CDC73: variants seen among roughly 807,000 people sequenced by gnomAD.
CDC73 encodes the protein parafibromin.
In CDC73, 21 loss-of-function variants were observed where a neutral mutation model predicts 83.7. That is an observed-to-expected ratio of 0.25 (90% CI 0.18 to 0.36). The LOEUF (loss-of-function observed/expected upper bound fraction) is 0.36, where lower values mean the gene tolerates loss of function less well. Among genes scored for constraint, CDC73 ranks in the 10% least tolerant of loss-of-function variants. The probability of loss-of-function intolerance (pLI) is 1.00; values close to 1 mark genes in which losing one functional copy is unlikely to be tolerated. For missense variants in CDC73, 342 were observed against 653.3 expected (o/e 0.52, Z 5.19); for synonymous variants, 224 against 212.9 (o/e 1.05, Z -0.45).
At chr1:193,187,269 T>C (rs1172477792) in intron 10 of CDC73, among the ~76,000 whole-genome samples, 1 of 152,160 alleles carries the variant, frequency 6.6e-6, no homozygotes, top group Non-Finnish European at 1.5e-5. Context: ...ATTTATTTTT[T>C]ATTTATTTTT....
At chr1:193,143,392 ATAG>A (rs1213594332) in intron 7 of CDC73, among the ~76,000 whole-genome samples, 1 of 152,208 alleles carries the variant, frequency 6.6e-6, no homozygotes, top group Non-Finnish European at 1.5e-5. Flanking sequence ...TCTCAAACTC[ATAG>A]TAGAAGAATA....
At chr1:193,155,788 A>G (rs928417333) in intron 10 of CDC73, among the ~76,000 whole-genome samples, 2 of 152,138 alleles carry the variant, frequency 1.3e-5, no homozygotes, top group Admixed American at 1.3e-4. Context: ...AAAACAAACA[A>G]AAAACCCCAC....
chr1:193,235,466 A>T (rs574691536), intron 14 of CDC73, among the ~76,000 whole-genome samples: 1 of 152,326 alleles, frequency 6.6e-6, no homozygotes, highest in East Asian at 1.9e-4. Context: ...TACTAATGTT[A>T]ACCATTATTG....
chr1:193,164,700 T>G (rs1676404874), intron 10 of CDC73, among the ~76,000 whole-genome samples: 1 of 152,148 alleles, frequency 6.6e-6, no homozygotes, highest in Non-Finnish European at 1.5e-5. Context: ...GGGCACTGCT[T>G]AGATAGGTTT....
chr1:193,193,952 C>G (rs749245988), intron 10 of CDC73, among the ~76,000 whole-genome samples: 33 of 152,020 alleles, frequency 2.2e-4, no homozygotes, highest in Non-Finnish European at 4.4e-4. Context: ...AATGTTGTTA[C>G]TTATCTTTCT....
intron 15 of CDC73, among the ~76,000 whole-genome samples, chr1:193,238,846 G>A (rs1208265079): frequency 6.6e-6 from 1 of 152,154 alleles, no homozygotes; most frequent in African/African-American, 2.4e-5. Flanking sequence ...CATCTTCATT[G>A]TCTTCACATT....
rs1263863175 is a variant in CDC73, at chr1:193,203,803, A to G, written c.981A>G (p.Ala327=). 6.2e-7 allele frequency: 1 copy of G among 1,612,660 alleles called. No individual in the cohort carries two copies. ...TTCTTATTCTTTTAAAGGAGGGTGC[A>G]TCTGCCCGGAAGACTCAGACTCCTG... The part of the protein sequence containing the change: ...GMTLKSVTEG[A]SARKTQTPAA... Residue 327 remains alanine (A), a synonymous_variant, in exon 11 of 17, where the codon GCA becomes GCG. Coordinates refer to ENST00000367435, the MANE Select transcript of CDC73 (RefSeq NM_024529.5).
At chr1:193,200,671 T>C (rs1393604030) in intron 10 of CDC73, among the ~76,000 whole-genome samples, 1 of 152,228 alleles carries the variant, frequency 6.6e-6, no homozygotes, top group Non-Finnish European at 1.5e-5. Context: ...TGGGTAGTGT[T>C]TTTTCTTCCA....
intron 10 of CDC73, among the ~76,000 whole-genome samples, chr1:193,193,581 CA>C (rs1039333125): frequency 1.3e-5 from 2 of 151,540 alleles, no homozygotes; most frequent in African/African-American, 4.8e-5. Flanking sequence ...TTTAGTGAGC[CA>C]AAAAAAGAAA....
At chr1:193,148,967 A>G (rs1676056970) in intron 8 of CDC73, among the ~76,000 whole-genome samples, 1 of 152,200 alleles carries the variant, frequency 6.6e-6, no homozygotes. Flanking sequence ...ATTGAAATGT[A>G]TTAGAGTACT....
At chr1:193,190,790 G>C (rs1271733662) in intron 10 of CDC73, among the ~76,000 whole-genome samples, 1 of 152,158 alleles carries the variant, frequency 6.6e-6, no homozygotes, top group Admixed American at 6.5e-5. Flanking sequence ...TTTTTCTGAG[G>C]CACAGCTGTT....
At chr1:193,172,674 A>G (rs1257805130) in intron 10 of CDC73, among the ~76,000 whole-genome samples, 2 of 152,044 alleles carry the variant, frequency 1.3e-5, no homozygotes, top group Non-Finnish European at 2.9e-5. Flanking sequence ...TTTGCTTTCT[A>G]TCAGTTGTGA....
intron 13 of CDC73, among the ~76,000 whole-genome samples, chr1:193,223,704 A>G (rs549022925): frequency 6.6e-6 from 1 of 152,208 alleles, no homozygotes; most frequent in Admixed American, 6.5e-5. Flanking sequence ...ATAGTGAAAA[A>G]CCAGGCTTAA....
intron 10 of CDC73, among the ~76,000 whole-genome samples, chr1:193,163,244 G>T (rs1676374358): frequency 6.6e-6 from 1 of 151,638 alleles, no homozygotes; most frequent in Admixed American, 6.6e-5. Flanking sequence ...AGTGGCTCAT[G>T]CCTGTAATCC....
At chr1:193,187,286 C>T (rs1237501485) in intron 10 of CDC73, among the ~76,000 whole-genome samples, 1 of 151,916 alleles carries the variant, frequency 6.6e-6, no homozygotes, top group Non-Finnish European at 1.5e-5. Flanking sequence ...TTTTCCTTCC[C>T]TTTAAAATTA....
intron 10 of CDC73, among the ~76,000 whole-genome samples, chr1:193,191,800 C>T (rs1011248645): frequency 1.3e-5 from 2 of 152,032 alleles, no homozygotes; most frequent in Admixed American, 1.3e-4. Flanking sequence ...TAAGAGGGGT[C>T]ATTGTAAAGT....
intron 2 of CDC73, among the ~76,000 whole-genome samples, chr1:193,129,956 A>G: frequency 6.6e-6 from 1 of 152,344 alleles, no homozygotes. Flanking sequence ...ACATGTTAAT[A>G]TCAAGTTGTA....
intron 5 of CDC73, among the ~76,000 whole-genome samples, chr1:193,136,294 A>G (rs1255374698): frequency 1.3e-5 from 2 of 152,142 alleles, no homozygotes; most frequent in Non-Finnish European, 2.9e-5. Flanking sequence ...TAGTTTGCCT[A>G]CCTTTGGAAC....
chr1:193,186,580 C>T (rs1676812592), intron 10 of CDC73: 1 of 152,298 alleles, frequency 6.6e-6, no homozygotes, highest in Admixed American at 6.6e-5. Flanking sequence ...CACGGTTCCT[C>T]AGCTGCTGCA....
Sources: allele counts gnomAD v4.1 joint callset (sites outside exome capture counted in the v4.1 genomes callset), GRCh38; gene constraint gnomAD v4.1.1; transcripts MANE v1.5; gene names NCBI Gene and HGNC (gene_info 2026-07-23, HGNC 2026-07-21).